ROCK2: variants seen among roughly 807,000 people sequenced by gnomAD.
The protein encoded by ROCK2 is rho-associated protein kinase 2.
Under a neutral mutation model 195.1 loss-of-function variants are expected in ROCK2, and 61 were observed. That is an observed-to-expected ratio of 0.31 (90% CI 0.25 to 0.39). The LOEUF is 0.39. Among genes scored for constraint, ROCK2 ranks in the 10% least tolerant of loss-of-function variants. The pLI is 1.00. For missense variants in ROCK2, 1,109 were observed against 1,637.4 expected, an observed-to-expected ratio of 0.68 and a Z score of 5.57; for synonymous variants, 504 against 545.5, an observed-to-expected ratio of 0.92 and a Z score of 1.06.
At chr2:11,344,637 C>G (rs1237773847), upstream of ROCK2, 1 of 157,772 alleles carries the variant, frequency 6.3e-6, no homozygotes, top group Non-Finnish European at 1.3e-5. This position sits in a 1 kb window ranked among gnomAD's most constrained non-coding sequence, Gnocchi z 5.4. Context: ...CCGCCCGTCT[C>G]CGGCCGCGCG....
intron 27 of ROCK2, among the ~76,000 whole-genome samples, chr2:11,195,863 C>A (rs1663615155): frequency 6.6e-6 from 1 of 152,164 alleles, no homozygotes; most frequent in African/African-American, 2.4e-5. Context: ...GCAAAATAAT[C>A]AAAAGATTTC....
intron 32 of ROCK2, among the ~76,000 whole-genome samples, chr2:11,183,976 G>C (rs1413869632): frequency 7.3e-6 from 1 of 136,338 alleles, no homozygotes; most frequent in Non-Finnish European, 1.7e-5. Context: ...TGCTTACTTA[G>C]ACTAAAACAC....
intron 1 of ROCK2, among the ~76,000 whole-genome samples, chr2:11,312,074 C>A (rs140633735): frequency 8.5e-5 from 13 of 152,216 alleles, no homozygotes; most frequent in African/African-American, 3.1e-4. Context: ...TGCAAAATTA[C>A]AGAGCAATGC....
Position 11,182,417 on chromosome 2 carries a change from C to T in ROCK2, c.*1020G>A, listed in dbSNP as rs1431036330. On this transcript the variant is annotated 3_prime_UTR_variant, in exon 33 of 33. Transcript: ENST00000315872. ...TAAAGCAAATAAAATATTTTGTAGTCACAGACTAATACTGAGGTCTGTAAA... is the reference window on the plus strand; with the variant it reads ...TAAAGCAAATAAAATATTTTGTAGTTACAGACTAATACTGAGGTCTGTAAA... 3.9e-5 allele frequency: 6 copies of T among 152,052 alleles called. No homozygotes were observed. Among genetic ancestry groups the T allele is most frequent in the African/African-American group, 1.5e-4 (6 of 41,364 alleles). 9.4% of individuals were successfully genotyped at this position (152,052 alleles called of 1,614,324 possible).
chr2:11,263,060 A>C (rs1453007287), intron 3 of ROCK2, among the ~76,000 whole-genome samples: 1 of 152,152 alleles, frequency 6.6e-6, no homozygotes, highest in Non-Finnish European at 1.5e-5. Flanking sequence ...GTTGAGAGAT[A>C]ATTTTTGCAA....
In ROCK2 at chr2:11,344,577, G is replaced by A; in HGVS notation, c.-441C>T. ...CGGCCCGCTGCCATGGTCGCCGCCGGCCGCCTTGCAGTCCCTCAGCCAGCT... is the reference window on the plus strand; with the variant it reads ...CGGCCCGCTGCCATGGTCGCCGCCGACCGCCTTGCAGTCCCTCAGCCAGCT... On this transcript the variant is annotated 5_prime_UTR_variant, in exon 1 of 33. Coordinates refer to ENST00000315872, the MANE Select transcript of ROCK2 (RefSeq NM_004850.5). This position sits in a 1 kb window ranked among gnomAD's most constrained non-coding sequence, Gnocchi z 5.4. 4.8e-6 allele frequency: 4 copies of A among 839,758 alleles called. No homozygotes were observed. Among genetic ancestry groups the A allele is most frequent in the Non-Finnish European group, 5.7e-6 (4 of 700,530 alleles). 52.0% of individuals were successfully genotyped at this position (839,758 alleles called of 1,614,324 possible). A position where few individuals can be genotyped will look rare whatever the true frequency, so the allele number is the denominator to read the frequency against.
In ROCK2 at chr2:11,197,397, A is replaced by G. The variant is rs1364972359; in HGVS notation, c.3280-49T>C. On this transcript the variant is annotated intron_variant, in intron 26 of 32. Coordinates refer to ENST00000315872, the MANE Select transcript of ROCK2 (RefSeq NM_004850.5). The surrounding 1 kb of genome is among the most constrained non-coding windows in gnomAD (Gnocchi z 4.9). ...AGTTAATTGGATGCAACATAACTCA[A>G]CATTTTGCTTCTTGGTTCAATAATA... 10 of 1,566,014 alleles carry G rather than the reference A, an allele frequency of 6.4e-6. No individual in the cohort carries two copies. In the Admixed American group the frequency reaches 1.1e-4, roughly 17 times the overall value.
At position 11,197,576 on chromosome 2, in the gene ROCK2, A is replaced by G. The variant is rs772167443; in HGVS notation, c.3229T>C (p.Leu1077=). Reference sequence around the variant, plus strand: ...TGATACTTGATCATCTGCTGGGTCAATTTCTCACGTTCAGATTTAAGCTCC... The same window carrying G: ...TGATACTTGATCATCTGCTGGGTCAGTTTCTCACGTTCAGATTTAAGCTCC... The part of the protein sequence containing the change: ...HMELKSEREK[L]TQQMIKYQKE... Residue 1077 remains leucine, a synonymous_variant, in exon 26 of 33, where the codon TTG becomes CTG. Coordinates refer to ENST00000315872, the MANE Select transcript of ROCK2 (RefSeq NM_004850.5). This position sits in a 1 kb window ranked among gnomAD's most constrained non-coding sequence, Gnocchi z 4.9. 2.5e-6 allele frequency: 4 copies of G among 1,613,588 alleles called. No individual in the cohort carries two copies.
rs1218400070 is a variant in ROCK2, at chr2:11,192,857, G to A, written c.3688-145C>T. 5 of 958,060 alleles carry A rather than the reference G, an allele frequency of 5.2e-6. No individual in the cohort carries two copies. The highest frequency in any genetic ancestry group is 5.0e-5 in the African/African-American group (3 of 60,366). The allele number at this position is 958,060 out of a possible 1,614,324, so 59.3% of individuals were successfully genotyped here. On this transcript the variant is annotated intron_variant, in intron 30 of 32. Coordinates refer to ENST00000315872, the MANE Select transcript of ROCK2 (RefSeq NM_004850.5). This position sits in a 1 kb window ranked among gnomAD's most constrained non-coding sequence, Gnocchi z 5.0. ...ATCTGAAGTACAAACTTAAGCTCTTGATTACGCAAACTTAATCAAGAGCTT... is the reference window on the plus strand; with the variant it reads ...ATCTGAAGTACAAACTTAAGCTCTTAATTACGCAAACTTAATCAAGAGCTT...
chr2:11,305,278 A>G (rs915262668), intron 1 of ROCK2, among the ~76,000 whole-genome samples: 7 of 152,230 alleles, frequency 4.6e-5, no homozygotes, highest in Middle Eastern at 3.2e-3. Context: ...CGGGAGGCTG[A>G]GACAAGAGAA....
At chr2:11,292,793 C>A (rs545626747) in intron 1 of ROCK2, among the ~76,000 whole-genome samples, 18 of 152,188 alleles carry the variant, frequency 1.2e-4, no homozygotes, top group African/African-American at 4.3e-4. Context: ...TGTCCCTGTC[C>A]AAATCTCATG....
intron 1 of ROCK2, among the ~76,000 whole-genome samples, chr2:11,326,486 T>A (rs1205438362): frequency 1.3e-5 from 2 of 152,188 alleles, no homozygotes; most frequent in Admixed American, 6.5e-5. Flanking sequence ...GAACAGAACA[T>A]GAGACAACAG....
At chr2:11,246,694 A>T (rs1214656167) in intron 4 of ROCK2, among the ~76,000 whole-genome samples, 1 of 152,194 alleles carries the variant, frequency 6.6e-6, no homozygotes, top group South Asian at 2.1e-4. Context: ...AACAAAAATG[A>T]AAAGTGATAT....
At chr2:11,229,324 C>A (rs2148090826) in intron 5 of ROCK2, among the ~76,000 whole-genome samples, 1 of 152,074 alleles carries the variant, frequency 6.6e-6, no homozygotes, top group East Asian at 1.9e-4. Flanking sequence ...TGGAAGCCCT[C>A]AAATTATATG....
At chr2:11,239,367 C>T (rs1665343431) in intron 4 of ROCK2, among the ~76,000 whole-genome samples, 1 of 152,094 alleles carries the variant, frequency 6.6e-6, no homozygotes, top group Non-Finnish European at 1.5e-5. Context: ...TGACATACCA[C>T]TTAACACCCA....
At chr2:11,329,131 A>G (rs911211051) in intron 1 of ROCK2, among the ~76,000 whole-genome samples, 3 of 152,200 alleles carry the variant, frequency 2.0e-5, no homozygotes, top group Admixed American at 6.5e-5. Context: ...TTAAAAATTC[A>G]AGTCATTTTC....
rs116069807 is a variant in ROCK2 at position 11,307,060 on chromosome 2, A to G, written c.142-19324T>C. Among the ~76,000 whole-genome samples, 478 of 152,340 alleles carry G rather than the reference A, an allele frequency of 3.1e-3. 1 individual carries two copies. The highest frequency in any genetic ancestry group is 0.011 in the African/African-American group (464 of 41,584). On this transcript the variant is annotated intron_variant, in intron 1 of 32. Transcript: ENST00000315872. ...GATATTTCATTACCACGTTTCCTTG[A>G]AAAACTACCGAGGCTATAATTACAC...
At chr2:11,310,275 G>A (rs143003620) in intron 1 of ROCK2, among the ~76,000 whole-genome samples, 10 of 152,038 alleles carry the variant, frequency 6.6e-5, no homozygotes, top group African/African-American at 1.4e-4. Context: ...ACAACCTCAC[G>A]GAATACTAAA....
At chr2:11,231,665 TCA>T (rs1262223105) in intron 5 of ROCK2, among the ~76,000 whole-genome samples, 1 of 152,072 alleles carries the variant, frequency 6.6e-6, no homozygotes, top group African/African-American at 2.4e-5. Context: ...AATGTGACTC[TCA>T]CTCACATTTA....
Sources: gnomAD v4.1 joint callset for allele counts (sites outside exome capture counted in the v4.1 genomes callset) on GRCh38, gnomAD v4.1.1 for gene constraint, Gnocchi (gnomAD v3.1) non-coding constraint, MANE v1.5 for transcripts, NCBI Gene and HGNC (gene_info 2026-07-23, HGNC 2026-07-21) for gene names.